Variants in TAGLN observed in about 807,000 individuals in gnomAD.
TAGLN encodes the protein 22 kDa actin-binding protein.
Under a neutral mutation model 21.9 loss-of-function variants are expected in TAGLN, and 16 were observed. That is an observed-to-expected ratio of 0.73 (90% CI 0.49 to 1.11). The LOEUF (loss-of-function observed/expected upper bound fraction) is 1.11, where lower values mean the gene tolerates loss of function less well. TAGLN is among the 50% of genes least tolerant of loss of function. The pLI, the probability that TAGLN is intolerant of heterozygous loss-of-function variation, is 0.00. For synonymous variants in TAGLN, 96 were observed against 94.9 expected, an observed-to-expected ratio of 1.01 and a Z score of -0.06; for missense variants, 248 against 263.2, an observed-to-expected ratio of 0.94 and a Z score of 0.40.
At chr11:117,202,942 T>C in intron 1 of TAGLN, 60 bp from the exon 2 acceptor site, 3 of 1,465,568 alleles carry the variant, frequency 2.0e-6, no homozygotes, top group Non-Finnish European at 2.7e-6. Flanking sequence ...CTGGCACGGG[T>C]GAAAGCAGAG....
Position 117,203,643 on chromosome 11 carries a change from C to G in TAGLN, c.359-139C>G. On this transcript the variant is annotated intron_variant, in intron 3 of 4. Coordinates refer to ENST00000392951, the MANE Select transcript of TAGLN (RefSeq NM_003186.5). This position sits in a 1 kb window ranked among gnomAD's most constrained non-coding sequence, Gnocchi z 4.4. ...TAACACGCCACGCTCACAGGGCCCA[C>G]TGAGAGGCCTCCCTTGAATTGGGGA... 1.6e-6 allele frequency: 2 copies of G among 1,241,120 alleles called. No homozygotes were observed. The highest frequency in any genetic ancestry group is 2.3e-6 in the Non-Finnish European group (2 of 884,802). 76.9% of individuals were successfully genotyped at this position (1,241,120 alleles called of 1,614,324 possible).
intron 4 of TAGLN, 41 bp from the exon 5 acceptor site, chr11:117,204,174 A>G (rs1300732078): frequency 1.2e-6 from 2 of 1,611,364 alleles, no homozygotes; most frequent in Non-Finnish European, 1.7e-6. Flanking sequence ...TGGAAAACAC[A>G]CAGTTCTACC....
In TAGLN at chr11:117,206,272, A is replaced by G; in HGVS notation, c.*1913A>G. The G allele has an allele frequency of 6.2e-7, 1 of 1,614,126 alleles. No individual in the cohort carries two copies. The highest frequency in any genetic ancestry group is 1.3e-5 in the African/African-American group (1 of 75,020). Reference sequence around the variant, plus strand: ...GGTCCACTCCTACAAACTTGATTGGAAGCCACATTCCTCTGGCTCAAATAT... The same window carrying G: ...GGTCCACTCCTACAAACTTGATTGGGAGCCACATTCCTCTGGCTCAAATAT... On this transcript the variant is annotated 3_prime_UTR_variant, in exon 5 of 5. Coordinates refer to ENST00000392951, the MANE Select transcript of TAGLN (RefSeq NM_003186.5).
Position 117,206,236 on chromosome 11 carries a change from G to T in TAGLN, c.*1877G>T, listed in dbSNP as rs1565298920. The T allele has an allele frequency of 6.2e-7, 1 of 1,614,160 alleles. No homozygotes were observed. The highest frequency in any genetic ancestry group is 1.7e-5 in the Admixed American group (1 of 60,016). On this transcript the variant is annotated 3_prime_UTR_variant, in exon 5 of 5. Coordinates refer to ENST00000392951, the MANE Select transcript of TAGLN (RefSeq NM_003186.5). ...TCCTTGGCTTTCCGGCTCCGATGGGGCCAGTGGCAGGGTCCACTCCTACAA... is the reference window on the plus strand; with the variant it reads ...TCCTTGGCTTTCCGGCTCCGATGGGTCCAGTGGCAGGGTCCACTCCTACAA...
chr11:117,201,108 G>A (rs2031075201), intron 1 of TAGLN: 1 of 152,374 alleles, frequency 6.6e-6, no homozygotes, highest in South Asian at 2.1e-4. Context: ...CAGGGTGAAG[G>A]GAGGGATTGG....
At chr11:117,200,771 C>T (rs1019194846) in intron 1 of TAGLN, among the ~76,000 whole-genome samples, 2 of 152,130 alleles carry the variant, frequency 1.3e-5, no homozygotes, top group Admixed American at 1.3e-4. Context: ...CTGCTTTGAC[C>T]TGTATTGTCT....
rs759010399 is a variant in TAGLN, at chr11:117,203,367, G to A, written c.241G>A (p.Glu81Lys). ...TGGCTCCAAGCCGGTGAAGGTGCCCGAGAACCCACCCTCCATGGTCTTCAA... is the reference window on the plus strand; with the variant it reads ...TGGCTCCAAGCCGGTGAAGGTGCCCAAGAACCCACCCTCCATGGTCTTCAA... ...PDGSKPVKVP[E>K]NPPSMVFKQM... The change falls in exon 3 of 5, where the codon GAG becomes AAG. Residue 81 changes from glutamate (E) to lysine (K), a missense_variant. Transcript: ENST00000392951. The surrounding 1 kb of genome is among the most constrained non-coding windows in gnomAD (Gnocchi z 4.4). 3.1e-6 allele frequency: 5 copies of A among 1,614,180 alleles called. No individual in the cohort carries two copies. The South Asian group carries it at 4.4e-5, about 14-fold the overall frequency.
chr11:117,204,070 C>T, intron 4 of TAGLN, 145 bp from the exon 5 acceptor site: 1 of 1,296,830 alleles, frequency 7.7e-7, no homozygotes, highest in Non-Finnish European at 1.1e-6. Context: ...GCTCAGTCTC[C>T]CTAGCCTATG....
At position 117,204,471 on chromosome 11, in the gene TAGLN, T is replaced by C. The variant is rs2031252549; in HGVS notation, c.*112T>C. On this transcript the variant is annotated 3_prime_UTR_variant, in exon 5 of 5. Transcript: ENST00000392951. ...TGGTACCTTCAGCCCTGGCCAAGCTTTGAGGCTCTGTCACTGAGCAATGGT... is the reference window on the plus strand; with the variant it reads ...TGGTACCTTCAGCCCTGGCCAAGCTCTGAGGCTCTGTCACTGAGCAATGGT... The C allele has an allele frequency of 6.6e-7, 1 of 1,522,500 alleles. No homozygotes were observed. The highest frequency in any genetic ancestry group is 9.0e-7 in the Non-Finnish European group (1 of 1,113,146). 94.3% of individuals were successfully genotyped at this position (1,522,500 alleles called of 1,614,324 possible). A position where few individuals can be genotyped will look rare whatever the true frequency, so the allele number is the denominator to read the frequency against.
Position 117,206,738 on chromosome 11 carries a change from T to TGGGCA in TAGLN, c.*2389_*2393dup. The stretch of plus-strand genomic sequence containing the variant: ...CTTCCTCAGGAATTTTCAGCCCCGG[T>TGGGCA]GGGCAGGGCAGGGCGAAGTCATCGT... On this transcript the variant is annotated 3_prime_UTR_variant, in exon 5 of 5. Coordinates refer to ENST00000392951, the MANE Select transcript of TAGLN (RefSeq NM_003186.5). 1.4e-6 allele frequency: 1 copy of TGGGCA among 704,284 alleles called. No homozygotes were observed. The highest frequency in any genetic ancestry group is 2.7e-5 in the East Asian group (1 of 36,716). The allele number at this position is 704,284 out of a possible 1,614,324, so 43.6% of individuals were successfully genotyped here. A position where few individuals can be genotyped will look rare whatever the true frequency, so the allele number is the denominator to read the frequency against.
chr11:117,207,077 C>T lies in TAGLN; in HGVS notation c.*2718C>T, dbSNP rs373420871. The T allele has an allele frequency of 4.7e-4, 566 of 1,196,180 alleles. 5 individuals carry two copies. Among genetic ancestry groups the T allele is most frequent in the Middle Eastern group, 3.1e-3 (16 of 5,090 alleles). 74.1% of individuals were successfully genotyped at this position (1,196,180 alleles called of 1,614,324 possible). On this transcript the variant is annotated 3_prime_UTR_variant, in exon 5 of 5. Coordinates refer to ENST00000392951, the MANE Select transcript of TAGLN (RefSeq NM_003186.5). ...TGCGGCTTTACCCACCTTTGTCTGT[C>T]CCTGATGTCTACTGCACTCCACACA...
At position 117,203,353 on chromosome 11, in the gene TAGLN, C is replaced by T. The variant is rs780383343; in HGVS notation, c.227C>T (p.Pro76Leu). ...AGCCTGTACCCTGATGGCTCCAAGC[C>T]GGTGAAGGTGCCCGAGAACCCACCC... ...VNSLYPDGSK[P>L]VKVPENPPSM... Residue 76 changes from proline to leucine, a missense_variant, in exon 3 of 5, where the codon CCG (proline) becomes CTG (leucine). Pro to Leu is a moderately conservative substitution (Grantham distance 98). Coordinates refer to ENST00000392951, the MANE Select transcript of TAGLN (RefSeq NM_003186.5). This position sits in a 1 kb window ranked among gnomAD's most constrained non-coding sequence, Gnocchi z 4.4. 27 of 1,613,992 alleles carry T rather than the reference C, an allele frequency of 1.7e-5. No individual in the cohort carries two copies. The highest frequency in any genetic ancestry group is 1.1e-4 in the South Asian group (10 of 91,086).
chr11:117,204,087 G>A, intron 4 of TAGLN, 128 bp from the exon 5 acceptor site: 2 of 1,412,910 alleles, frequency 1.4e-6, no homozygotes, highest in South Asian at 2.7e-5. Context: ...TATGAGGCAA[G>A]CTAGATTAGG....
At position 117,203,739 on chromosome 11, in the gene TAGLN, A is replaced by G. The variant is rs772051996; in HGVS notation, c.359-43A>G. 1 of 1,586,520 alleles carries G rather than the reference A, an allele frequency of 6.3e-7. No homozygotes were observed. Among genetic ancestry groups the G allele is most frequent in the Non-Finnish European group, 8.6e-7 (1 of 1,156,342 alleles). On this transcript the variant is annotated intron_variant, in intron 3 of 4. Transcript: ENST00000392951. This position sits in a 1 kb window ranked among gnomAD's most constrained non-coding sequence, Gnocchi z 4.4. ...CAGGCCCTGGCTTGGAGTCTTGTTTATACGTTCTTGATGTTCATCTCCTCT... is the reference window on the plus strand; with the variant it reads ...CAGGCCCTGGCTTGGAGTCTTGTTTGTACGTTCTTGATGTTCATCTCCTCT...
In TAGLN at chr11:117,200,940, T is replaced by C. The variant is rs149691981; in HGVS notation, c.-13+1508T>C. Among the ~76,000 whole-genome samples, 10 of 151,992 alleles carry C rather than the reference T, an allele frequency of 6.6e-5. No individual in the cohort carries two copies. In the East Asian group the frequency reaches 1.7e-3, roughly 27 times the overall value. ...GCCAGAGACAGAAGGTGGATGCCTG[T>C]CTGGGATGGTGGTGCAAAGGCTGAG... On this transcript the variant is annotated intron_variant, in intron 1 of 4. Transcript: ENST00000392951.
rs987654259 is a variant in TAGLN, at chr11:117,203,678, G to T, written c.359-104G>T. 10 of 1,345,694 alleles carry T rather than the reference G, an allele frequency of 7.4e-6. No individual in the cohort carries two copies. In the African/African-American group the frequency reaches 1.3e-4, roughly 17 times the overall value. 83.4% of individuals were successfully genotyped at this position (1,345,694 alleles called of 1,614,324 possible). On this transcript the variant is annotated intron_variant, in intron 3 of 4. Coordinates refer to ENST00000392951, the MANE Select transcript of TAGLN (RefSeq NM_003186.5). The surrounding 1 kb of genome is among the most constrained non-coding windows in gnomAD (Gnocchi z 4.4). ...TCCCTTGAATTGGGGACAACTCTTG[G>T]CCCTGGTTTGGCCATTTTTTTGTGA...
In TAGLN at chr11:117,204,302, A is replaced by C. The variant is rs1361483515; in HGVS notation, c.549A>C (p.Arg183Ser). 6.2e-7 allele frequency: 1 copy of C among 1,614,242 alleles called. No homozygotes were observed. Among genetic ancestry groups the C allele is most frequent in the Non-Finnish European group, 8.5e-7 (1 of 1,180,036 alleles). ...HVIGLQMGSN[R>S]GASQAGMTGY... is the part of the protein sequence containing the mutation. ...TTGGCCTTCAGATGGGCAGCAACAG[A>C]GGGGCCTCCCAGGCCGGCATGACAG... is the stretch of plus-strand genomic sequence containing the variant. Residue 183 changes from arginine (R) to serine (S), a missense_variant, in exon 5 of 5, where the codon AGA becomes AGC. Physicochemically the swap from Arg to Ser is moderately radical, Grantham distance 110. Coordinates refer to ENST00000392951, the MANE Select transcript of TAGLN (RefSeq NM_003186.5).
intron 1 of TAGLN, among the ~76,000 whole-genome samples, chr11:117,200,548 G>A (rs907525069): frequency 1.3e-5 from 2 of 152,132 alleles, no homozygotes; most frequent in South Asian, 2.1e-4. Context: ...CCACTGGCTC[G>A]AAGGCAGGAC....
At position 117,205,140 on chromosome 11, in the gene TAGLN, G is replaced by T. The variant is rs535042821; in HGVS notation, c.*781G>T. The T allele has an allele frequency of 9.4e-4, 217 of 232,026 alleles. No homozygotes were observed. The highest frequency in any genetic ancestry group is 1.6e-3 in the Non-Finnish European group (190 of 117,028). The allele number at this position is 232,026 out of a possible 1,614,324, so 14.4% of individuals were successfully genotyped here. On this transcript the variant is annotated 3_prime_UTR_variant, in exon 5 of 5. Coordinates refer to ENST00000392951, the MANE Select transcript of TAGLN (RefSeq NM_003186.5). ...ATTCAAGAAAATGTTGCTGTGAAAAGAGAAAAACAAATCTTAAGCATTAAA... is the reference window on the plus strand; with the variant it reads ...ATTCAAGAAAATGTTGCTGTGAAAATAGAAAAACAAATCTTAAGCATTAAA...
Sources: gnomAD v4.1 joint callset for allele counts (sites outside exome capture counted in the v4.1 genomes callset) on GRCh38, gnomAD v4.1.1 for gene constraint, Gnocchi (gnomAD v3.1) non-coding constraint, MANE v1.5 for transcripts, NCBI Gene and HGNC (gene_info 2026-07-23, HGNC 2026-07-21) for gene names.